Variants in GRIP1 observed in about 807,000 individuals in gnomAD.
The protein encoded by GRIP1 is glutamate receptor-interacting protein 1.
A neutral mutation model predicts 129.9 loss-of-function variants in GRIP1; 45 were observed. The observed-to-expected ratio is 0.35, with a 90% CI of 0.27 to 0.44. GRIP1 has a LOEUF of 0.44. GRIP1 is among the 20% of genes least tolerant of loss of function. The pLI, the probability that GRIP1 is intolerant of heterozygous loss-of-function variation, is 1.00. For missense variants in GRIP1, 1,196 were observed against 1,396.8 expected (o/e 0.86, Z 2.29); for synonymous variants, 530 against 520.8 (o/e 1.02, Z -0.24).
chr12:66,836,106 G>A (rs147892261), intron 1 of GRIP1, among the ~76,000 whole-genome samples: 16 of 152,216 alleles, frequency 1.1e-4, no homozygotes, highest in Middle Eastern at 6.8e-3. Context: ...AAGGACGTAA[G>A]GCTCTAATAA....
chr12:66,702,459 G>T (rs1174070457), intron 1 of GRIP1, among the ~76,000 whole-genome samples: 2 of 151,968 alleles, frequency 1.3e-5, no homozygotes, highest in African/African-American at 2.4e-5. Context: ...ATAGTTTTTT[G>T]ATTTTTATTT....
intron 1 of GRIP1, among the ~76,000 whole-genome samples, chr12:67,057,449 A>C (rs1157439209): frequency 2.0e-5 from 3 of 151,940 alleles, no homozygotes; most frequent in Non-Finnish European, 4.4e-5. Flanking sequence ...AAAAAAAAAA[A>C]AAAAAACTCC....
At chr12:67,029,303 G>A (rs1265510320) in intron 1 of GRIP1, among the ~76,000 whole-genome samples, 5 of 152,030 alleles carry the variant, frequency 3.3e-5, no homozygotes, top group Admixed American at 3.3e-4. Flanking sequence ...ATGTAGAGAT[G>A]AGGTTTTGCC....
chr12:66,811,772 T>TA (rs1190595060), intron 1 of GRIP1, among the ~76,000 whole-genome samples: 1 of 152,228 alleles, frequency 6.6e-6, no homozygotes, highest in Non-Finnish European at 1.5e-5. Context: ...GGTTGGTTTT[T>TA]ACCCAAGTAC....
chr12:66,603,730 T>C (rs1044938667), intron 1 of GRIP1, among the ~76,000 whole-genome samples: 8 of 152,252 alleles, frequency 5.3e-5, no homozygotes, highest in Non-Finnish European at 7.3e-5. Context: ...GCTCATGGAA[T>C]GGTTTCTTCA....
intron 1 of GRIP1, among the ~76,000 whole-genome samples, chr12:66,900,431 C>A (rs953798653): frequency 6.6e-6 from 1 of 152,152 alleles, no homozygotes; most frequent in Non-Finnish European, 1.5e-5. Flanking sequence ...ACAGCCCTCA[C>A]TGGACACCAA....
intron 2 of GRIP1, among the ~76,000 whole-genome samples, chr12:66,592,245 G>A (rs1468423142): frequency 6.6e-6 from 1 of 152,110 alleles, no homozygotes; most frequent in Non-Finnish European, 1.5e-5. Context: ...AACAGATGTT[G>A]AATTTCCTGG....
rs748902724 is a variant in GRIP1, at chr12:66,539,105, C to T, written c.391G>A (p.Glu131Lys). The change falls in exon 4 of 25, where the codon GAA becomes AAA. Residue 131 changes from glutamate (E) to lysine (K), a missense_variant. Transcript: ENST00000359742. Reference sequence around the variant, plus strand: ...ACCGGTGGAAGCTCGTACTCTACTTCAAGAACCACTCTTTCTCCCACATTC... The same window carrying T: ...ACCGGTGGAAGCTCGTACTCTACTTTAAGAACCACTCTTTCTCCCACATTC... ...LKNVGERVVL[E>K]VEYELPPVSV... 3.1e-6 allele frequency: 5 copies of T among 1,614,020 alleles called. No individual in the cohort carries two copies. The East Asian group carries it at 1.1e-4, about 36-fold the overall frequency.
At chr12:66,446,039 T>A in intron 11 of GRIP1, among the ~76,000 whole-genome samples, 1 of 152,108 alleles carries the variant, frequency 6.6e-6, no homozygotes, top group East Asian at 1.9e-4. Flanking sequence ...TCCTCAACCT[T>A]AATCTAGTGT....
chr12:66,853,575 T>G (rs933855611), intron 1 of GRIP1, among the ~76,000 whole-genome samples: 17 of 152,224 alleles, frequency 1.1e-4, no homozygotes, highest in Non-Finnish European at 2.5e-4. Context: ...AACCCCATTC[T>G]GAAGAATCCA....
chr12:66,441,406 G>T (rs1264420780), intron 13 of GRIP1, among the ~76,000 whole-genome samples: 1 of 151,966 alleles, frequency 6.6e-6, no homozygotes, highest in Non-Finnish European at 1.5e-5. Context: ...TTCCTTAGGG[G>T]TCTCCTTTTT....
intron 2 of GRIP1, among the ~76,000 whole-genome samples, chr12:66,550,320 GTGTTCAATATA>G (rs1375950695): frequency 2.0e-5 from 3 of 152,168 alleles, no homozygotes; most frequent in African/African-American, 7.2e-5. Flanking sequence ...CACACAGTAA[GTGTTCAATATA>G]TGTTAGCCAA....
chr12:66,854,556 C>G (rs2039971054), intron 1 of GRIP1, among the ~76,000 whole-genome samples: 1 of 151,946 alleles, frequency 6.6e-6, no homozygotes, highest in African/African-American at 2.4e-5. Context: ...TCATTGAATC[C>G]TCACAATAAT....
chr12:66,389,257 C>G (rs2056483904), intron 19 of GRIP1, among the ~76,000 whole-genome samples: 1 of 152,102 alleles, frequency 6.6e-6, no homozygotes, highest in Non-Finnish European at 1.5e-5. Context: ...GAGACGTAGT[C>G]TTGTTCTATT....
At chr12:66,470,606 A>C (rs1417212160) in intron 7 of GRIP1, among the ~76,000 whole-genome samples, 1 of 152,148 alleles carries the variant, frequency 6.6e-6, no homozygotes, top group Non-Finnish European at 1.5e-5. Flanking sequence ...AATCTACCAG[A>C]CCTGCTCATC....
At chr12:66,958,809 C>T (rs2041881068) in intron 1 of GRIP1, among the ~76,000 whole-genome samples, 1 of 152,006 alleles carries the variant, frequency 6.6e-6, no homozygotes, top group Non-Finnish European at 1.5e-5. Context: ...TGGTTATTTC[C>T]TTAGGATAAA....
chr12:66,426,161 C>T (rs2057979355), intron 14 of GRIP1, among the ~76,000 whole-genome samples: 1 of 152,116 alleles, frequency 6.6e-6, no homozygotes, highest in African/African-American at 2.4e-5. Flanking sequence ...TATTTCCATC[C>T]ACAGGTATGG....
At chr12:66,870,035 C>A (rs1207993813) in intron 1 of GRIP1, among the ~76,000 whole-genome samples, 2 of 152,102 alleles carry the variant, frequency 1.3e-5, no homozygotes, top group Non-Finnish European at 2.9e-5. Flanking sequence ...GACCTCTACC[C>A]ATTAGATGCC....
chr12:66,879,937 A>G (rs987897411), intron 1 of GRIP1, among the ~76,000 whole-genome samples: 3 of 152,064 alleles, frequency 2.0e-5, no homozygotes, highest in Non-Finnish European at 4.4e-5. Context: ...ACTGCAGTGT[A>G]AGAAAGAGTG....
Sources: allele counts gnomAD v4.1 joint callset (sites outside exome capture counted in the v4.1 genomes callset), GRCh38; gene constraint gnomAD v4.1.1; transcripts MANE v1.5; gene names NCBI Gene and HGNC (gene_info 2026-07-23, HGNC 2026-07-21).